The following NMNAT2 variants were observed in gnomAD, a reference collection of about 807,000 sequenced individuals.
NMNAT2 encodes the protein nicotinamide nucleotide adenylyltransferase 2.
In NMNAT2, 11 loss-of-function variants were observed where a neutral mutation model predicts 41.6. The observed-to-expected ratio is 0.26, with a 90% CI of 0.17 to 0.44. The LOEUF is 0.44. Ranked by LOEUF, NMNAT2 falls within the 20% of genes least tolerant of loss-of-function variation. The pLI, the probability that NMNAT2 is intolerant of heterozygous loss-of-function variation, is 1.00. For synonymous variants in NMNAT2, 148 were observed against 151.2 expected (o/e 0.98, Z 0.16); for missense variants, 288 against 407.7 (o/e 0.71, Z 2.53).
chr1:183,336,970 A>G (rs1474498438), intron 1 of NMNAT2, among the ~76,000 whole-genome samples: 3 of 152,254 alleles, frequency 2.0e-5, no homozygotes, highest in Non-Finnish European at 2.9e-5. Flanking sequence ...GTTTAATTTC[A>G]TTAAACTAAA....
chr1:183,294,077 A>G (rs910516184), intron 1 of NMNAT2, among the ~76,000 whole-genome samples: 1 of 152,220 alleles, frequency 6.6e-6, no homozygotes, highest in African/African-American at 2.4e-5. Context: ...ATTTAAAACA[A>G]GCGCCTCATT....
intron 1 of NMNAT2, among the ~76,000 whole-genome samples, chr1:183,384,046 GAAA>G (rs954734963): frequency 6.6e-6 from 1 of 152,134 alleles, no homozygotes; most frequent in Non-Finnish European, 1.5e-5. Flanking sequence ...AGTTTATAAA[GAAA>G]AGAGGTTTTA....
At chr1:183,290,736 C>T (rs530918403) in intron 3 of NMNAT2, 1 of 152,438 alleles carries the variant, frequency 6.6e-6, no homozygotes, top group East Asian at 1.9e-4. Flanking sequence ...AGGCTGCAAA[C>T]CCTCGAGAAT....
Position 183,304,891 on chromosome 1 carries a change from G to A in NMNAT2, c.86-11098C>T, listed in dbSNP as rs967349431. The A allele has an allele frequency of 2.0e-5, 30 of 1,472,562 alleles. No individual in the cohort carries two copies. In the East Asian group the frequency reaches 7.1e-4, roughly 35 times the overall value. 91.2% of individuals were successfully genotyped at this position (1,472,562 alleles called of 1,614,324 possible). ...GAATTTGAATCCCTTTGTCCTTACA[G>A]CCAGGAAATGATTTATGACCCTCCC... On this transcript the variant is annotated intron_variant, in intron 1 of 10. Transcript: ENST00000287713.
Position 183,393,979 on chromosome 1 carries a change from A to G in NMNAT2, c.85+24204T>C, listed in dbSNP as rs1276133030. On this transcript the variant is annotated intron_variant, in intron 1 of 10. Transcript: ENST00000287713. ...CAGCTTATGCTCTCATGGACTTTAT[A>G]TTCTCAGAGAAGAGATGGACAATAA... Among the ~76,000 whole-genome samples the G allele has an allele frequency of 2.6e-5, 4 of 152,344 alleles. No homozygotes were observed. In the East Asian group the frequency reaches 7.7e-4, roughly 29 times the overall value.
chr1:183,381,637 C>A (rs769701124), intron 1 of NMNAT2, among the ~76,000 whole-genome samples: 1 of 151,954 alleles, frequency 6.6e-6, no homozygotes, highest in African/African-American at 2.4e-5. Context: ...GAAGAGGTTC[C>A]AGTGAGCCGA....
intron 1 of NMNAT2, among the ~76,000 whole-genome samples, chr1:183,331,487 G>A (rs2102338936): frequency 6.6e-6 from 1 of 152,318 alleles, no homozygotes; most frequent in South Asian, 2.1e-4. Context: ...CCAACAAGGG[G>A]CAGCCAAGGG....
In NMNAT2 at chr1:183,283,783, C is replaced by T. The variant is rs1661327172; in HGVS notation, c.574+212G>A. The T allele has an allele frequency of 9.9e-6, 6 of 608,782 alleles. 1 individual carries two copies. The South Asian group carries it at 1.1e-4, about 11-fold the overall frequency. The allele number at this position is 608,782 out of a possible 1,614,324, so 37.7% of individuals were successfully genotyped here. A position where few individuals can be genotyped will look rare whatever the true frequency, so the allele number is the denominator to read the frequency against. On this transcript the variant is annotated intron_variant, in intron 7 of 10. Transcript: ENST00000287713. ...AAATCACCAAATGATCCAGTCCTAT[C>T]TCTTGGGAGTTGGCTGGAGTCCAGT...
intron 1 of NMNAT2, among the ~76,000 whole-genome samples, chr1:183,329,714 A>C (rs535468789): frequency 6.6e-6 from 1 of 152,098 alleles, no homozygotes; most frequent in Non-Finnish European, 1.5e-5. Context: ...CCTTTTCTTG[A>C]TAACCCCCAA....
chr1:183,417,170 C>T (rs1485911843), intron 1 of NMNAT2, among the ~76,000 whole-genome samples: 1 of 152,088 alleles, frequency 6.6e-6, no homozygotes, highest in African/African-American at 2.4e-5. Context: ...GCTGCGAAGC[C>T]GCGTGGCTTC....
chr1:183,396,969 C>G (rs1161671106), intron 1 of NMNAT2, among the ~76,000 whole-genome samples: 1 of 152,150 alleles, frequency 6.6e-6, no homozygotes, highest in Non-Finnish European at 1.5e-5. Flanking sequence ...CCTTCACACT[C>G]AACAAATGAG....
rs139037361 is a variant in NMNAT2 at position 183,323,520 on chromosome 1, T to G, written c.86-29727A>C. ...TGGAAAGTGAGCACATGTAAACACA[T>G]GTGGAGCCTTCTGCCCTACCCTCAT... On this transcript the variant is annotated intron_variant, in intron 1 of 10. Coordinates refer to ENST00000287713, the MANE Select transcript of NMNAT2 (RefSeq NM_015039.4). 3.0e-4 allele frequency among the ~76,000 whole-genome samples: 45 copies of G among 152,324 alleles called. No individual in the cohort carries two copies. The East Asian group carries it at 5.0e-3, about 17-fold the overall frequency.
intron 8 of NMNAT2, among the ~76,000 whole-genome samples, chr1:183,273,096 A>C (rs979543980): frequency 1.3e-5 from 2 of 152,210 alleles, no homozygotes; most frequent in African/African-American, 4.8e-5. Context: ...TGGCCAATCA[A>C]TGTAGCCAGC....
chr1:183,345,047 A>G (rs541579679), intron 1 of NMNAT2, among the ~76,000 whole-genome samples: 1 of 151,986 alleles, frequency 6.6e-6, no homozygotes, highest in African/African-American at 2.4e-5. Context: ...TCCTCATTCC[A>G]CCTGTTGTAA....
intron 1 of NMNAT2, among the ~76,000 whole-genome samples, chr1:183,321,806 TTTTTG>T (rs910234824): frequency 3.3e-5 from 5 of 151,394 alleles, no homozygotes; most frequent in Non-Finnish European, 4.4e-5. Flanking sequence ...AGATTTTTGG[TTTTTG>T]TTTTGTTTTG....
At chr1:183,353,914 A>G (rs1387574974) in intron 1 of NMNAT2, among the ~76,000 whole-genome samples, 1 of 151,412 alleles carries the variant, frequency 6.6e-6, no homozygotes, top group Non-Finnish European at 1.5e-5. Flanking sequence ...CCAACCCCCT[A>G]CTCTGGAATT....
At chr1:183,280,395 T>C in intron 7 of NMNAT2, among the ~76,000 whole-genome samples, 1 of 152,172 alleles carries the variant, frequency 6.6e-6, no homozygotes. Flanking sequence ...CCTTTTTTTT[T>C]TCTTTTTTTG....
chr1:183,257,528 G>C (rs1660549301), intron 10 of NMNAT2, among the ~76,000 whole-genome samples: 1 of 152,124 alleles, frequency 6.6e-6, no homozygotes, highest in Non-Finnish European at 1.5e-5. Context: ...TTCTTTGTTG[G>C]GAAGTTTTTA....
At chr1:183,376,301 T>C (rs1395611022) in intron 1 of NMNAT2, among the ~76,000 whole-genome samples, 1 of 152,226 alleles carries the variant, frequency 6.6e-6, no homozygotes, top group Non-Finnish European at 1.5e-5. Flanking sequence ...TATGACATGA[T>C]TCTCCTTTCC....
Sources: allele counts gnomAD v4.1 joint callset (sites outside exome capture counted in the v4.1 genomes callset), GRCh38; gene constraint gnomAD v4.1.1; transcripts MANE v1.5; gene names NCBI Gene and HGNC (gene_info 2026-07-23, HGNC 2026-07-21).